Variants in SIRPG observed in about 807,000 individuals in gnomAD.
The protein encoded by SIRPG is signal regulatory protein gamma, also known as signal-regulatory protein gamma.
SIRPG carries 38 observed loss-of-function variants against 35.7 expected under a neutral mutation model. The observed-to-expected ratio is 1.06, with a 90% CI of 0.82 to 1.40. The LOEUF (loss-of-function observed/expected upper bound fraction) is 1.40, where lower values mean the gene tolerates loss of function less well. SIRPG is among the 40% of genes most tolerant of loss of function. The pLI, the probability that SIRPG is intolerant of heterozygous loss-of-function variation, is 0.00. For synonymous variants in SIRPG, 215 were observed against 190.4 expected, an observed-to-expected ratio of 1.13 and a Z score of -1.06; for missense variants, 519 against 483.0, an observed-to-expected ratio of 1.07 and a Z score of -0.70.
chr20:1,647,459 T>C (rs1255417008), intron 2 of SIRPG: 1 of 152,132 alleles, frequency 6.6e-6, no homozygotes, highest in Non-Finnish European at 1.5e-5. Flanking sequence ...TCAAGGGTGG[T>C]GGGGAGCCCT....
At chr20:1,641,595 A>T (rs1442054825) in intron 2 of SIRPG, among the ~76,000 whole-genome samples, 1 of 151,586 alleles carries the variant, frequency 6.6e-6, no homozygotes, top group Non-Finnish European at 1.5e-5. Context: ...TTGTGTCTTT[A>T]TCTCCTTCAG....
chr20:1,685,554 C>T, the SIRPG span, among the ~76,000 whole-genome samples: 1 of 152,180 alleles, frequency 6.6e-6, no homozygotes, highest in East Asian at 1.9e-4. Context: ...CATTCAGCCT[C>T]CAAAAGTGCA....
chr20:1,677,071 T>C, the SIRPG span, among the ~76,000 whole-genome samples: 1 of 144,294 alleles, frequency 6.9e-6, no homozygotes, highest in Non-Finnish European at 1.5e-5. Flanking sequence ...CATGAGACTG[T>C]ATTAGAAGTG....
intron 1 of SIRPG, among the ~76,000 whole-genome samples, chr20:1,650,000 G>GTATATATATATATATATATATA (rs1491226682): frequency 7.0e-5 from 6 of 85,378 alleles, no homozygotes; most frequent in African/African-American, 2.9e-4. Context: ...CTACTTTGAA[G>GTATATATATATATATATATATA]TGTGTATATA....
intron 2 of SIRPG, chr20:1,645,956 T>A (rs1307008737): frequency 6.6e-6 from 1 of 152,252 alleles, no homozygotes; most frequent in African/African-American, 2.4e-5. Context: ...AACCTTGAAA[T>A]AGCACCTCAA....
intron 1 of SIRPG, among the ~76,000 whole-genome samples, chr20:1,654,474 G>A (rs1238031678): frequency 6.6e-6 from 1 of 152,148 alleles, no homozygotes; most frequent in African/African-American, 2.4e-5. Context: ...GTGGTGCTGG[G>A]AAAGTTGGAT....
chr20:1,636,645 C>A (rs1011416508), intron 2 of SIRPG, 140 bp from the exon 3 acceptor site: 40 of 1,039,172 alleles, frequency 3.8e-5, no homozygotes, highest in Non-Finnish European at 5.2e-5. Flanking sequence ...TTCTTATTCT[C>A]ATTTTACAGA....
At chr20:1,672,286 G>A in the SIRPG span, among the ~76,000 whole-genome samples, 1 of 152,126 alleles carries the variant, frequency 6.6e-6, no homozygotes. Context: ...TGAATACACC[G>A]AGATCTCTCT....
chr20:1,636,325 G>A lies in SIRPG; in HGVS notation c.611C>T (p.Ala204Val), dbSNP rs1334973840. 5 of 1,614,246 alleles carry A rather than the reference G, an allele frequency of 3.1e-6. No individual in the cohort carries two copies. The highest frequency in any genetic ancestry group is 4.2e-6 in the Non-Finnish European group (5 of 1,180,044). The change falls in exon 3 of 6, where the codon GCC (alanine) becomes GTC (valine). Residue 204 changes from alanine (A) to valine (V), a missense_variant. Ala to Val is a moderately conservative substitution (Grantham distance 64). Transcript: ENST00000303415. ...TNVDPTGQSV[A>V]YSIRSTARVV... ...CCTGGCTGTGCTGCGGATGCTGTAGGCCACACTCTGTCCTGTGGGGTCCAC... is the reference window on the plus strand; with the variant it reads ...CCTGGCTGTGCTGCGGATGCTGTAGACCACACTCTGTCCTGTGGGGTCCAC...
At chr20:1,676,006 T>C in the SIRPG span, among the ~76,000 whole-genome samples, 1 of 152,064 alleles carries the variant, frequency 6.6e-6, no homozygotes, top group Non-Finnish European at 1.5e-5. Context: ...CATCCAGGGA[T>C]CAATTAGGCT....
At chr20:1,667,296 A>G in the SIRPG span, among the ~76,000 whole-genome samples, 1 of 152,232 alleles carries the variant, frequency 6.6e-6, no homozygotes, top group Non-Finnish European at 1.5e-5. Flanking sequence ...GCAAGAGGCC[A>G]TACCATATGG....
At chr20:1,676,208 C>T in the SIRPG span, among the ~76,000 whole-genome samples, 37,166 of 151,982 alleles carry the variant, frequency 0.24, 5,270 homozygotes, top group East Asian at 0.59. Context: ...TTAGGAGTCT[C>T]GATTGCTAAT....
chr20:1,677,817 A>T, the SIRPG span, among the ~76,000 whole-genome samples: 1 of 152,158 alleles, frequency 6.6e-6, no homozygotes, highest in Non-Finnish European at 1.5e-5. Context: ...AAAATTGAAG[A>T]TAGGTCAGAT....
chr20:1,679,410 T>C, the SIRPG span, among the ~76,000 whole-genome samples: 1 of 152,284 alleles, frequency 6.6e-6, no homozygotes, highest in African/African-American at 2.4e-5. Flanking sequence ...TTTGTCCTCC[T>C]CTGCTGTGAC....
At chr20:1,655,713 CAT>C (rs2091971026) in intron 1 of SIRPG, among the ~76,000 whole-genome samples, 1 of 152,004 alleles carries the variant, frequency 6.6e-6, no homozygotes, top group African/African-American at 2.4e-5. Context: ...TAAGGTAATG[CAT>C]ATGTTTATTA....
At chr20:1,685,006 C>T in the SIRPG span, among the ~76,000 whole-genome samples, 14 of 152,200 alleles carry the variant, frequency 9.2e-5, no homozygotes, top group Non-Finnish European at 1.6e-4. Flanking sequence ...ACCTTGTCCT[C>T]TAGGACCTGT....
chr20:1,661,809 T>A (rs2091996756), upstream of SIRPG, among the ~76,000 whole-genome samples: 1 of 152,172 alleles, frequency 6.6e-6, no homozygotes, highest in African/African-American at 2.4e-5. Flanking sequence ...CCTGGGTAGA[T>A]TTAGCCAGTA....
the SIRPG span, among the ~76,000 whole-genome samples, chr20:1,665,759 T>C: frequency 6.6e-6 from 1 of 152,364 alleles, no homozygotes; most frequent in Middle Eastern, 3.4e-3. Context: ...TTAGGTTATG[T>C]ATATTTTCAC....
At chr20:1,678,608 A>G in the SIRPG span, among the ~76,000 whole-genome samples, 439 of 152,312 alleles carry the variant, frequency 2.9e-3, 1 homozygote, top group African/African-American at 0.01. Context: ...AAAAATACAC[A>G]TTACTAGAGT....
Sources: gnomAD v4.1 joint callset for allele counts (sites outside exome capture counted in the v4.1 genomes callset) on GRCh38, gnomAD v4.1.1 for gene constraint, MANE v1.5 for transcripts, NCBI Gene and HGNC (gene_info 2026-07-23, HGNC 2026-07-21) for gene names.